PPP2R3A: variants seen among roughly 807,000 people sequenced by gnomAD.
PPP2R3A encodes the protein serine/threonine-protein phosphatase 2A regulatory subunit B'' subunit alpha.
PPP2R3A carries 80 observed loss-of-function variants against 106.9 expected under a neutral mutation model. That is an observed-to-expected ratio of 0.75 (90% CI 0.62 to 0.90). The LOEUF is 0.90. Among genes scored for constraint, PPP2R3A ranks in the 40% least tolerant of loss-of-function variants. PPP2R3A has a pLI of 0.00. For synonymous variants in PPP2R3A, 483 were observed against 468.3 expected (o/e 1.03, Z -0.41); for missense variants, 1,386 against 1,350.4 (o/e 1.03, Z -0.41).
intron 7 of PPP2R3A, chr3:136,079,155 T>C (rs1293110935): frequency 2.2e-6 from 1 of 455,138 alleles, no homozygotes; most frequent in East Asian, 6.9e-5. Context: ...GACAGAGTAA[T>C]GAAGACTTGG....
intron 5 of PPP2R3A, among the ~76,000 whole-genome samples, chr3:136,069,372 T>A (rs1936359163): frequency 6.6e-6 from 1 of 152,084 alleles, no homozygotes; most frequent in Non-Finnish European, 1.5e-5. Context: ...ACACCAGTAG[T>A]TCAAGACCAG....
intron 13 of PPP2R3A, chr3:136,106,581 T>A: frequency 2.2e-6 from 1 of 450,940 alleles, no homozygotes; most frequent in Non-Finnish European, 4.0e-6. Flanking sequence ...CAAACTACTG[T>A]TTTAGTGATA....
Position 136,145,635 on chromosome 3 carries a change from A to G in PPP2R3A, c.*469A>G, listed in dbSNP as rs903283173. 1 of 152,864 alleles carries G rather than the reference A, an allele frequency of 6.5e-6. No individual in the cohort carries two copies. Among genetic ancestry groups the G allele is most frequent in the Non-Finnish European group, 1.5e-5 (1 of 68,218 alleles). 9.5% of individuals were successfully genotyped at this position (152,864 alleles called of 1,614,324 possible). A position where few individuals can be genotyped will look rare whatever the true frequency, so the allele number is the denominator to read the frequency against. ...CTCCAGAATTGACTTAGCCCTAGTAATAAAAGCACTGCCAAAACATCTCAG... is the reference window on the plus strand; with the variant it reads ...CTCCAGAATTGACTTAGCCCTAGTAGTAAAAGCACTGCCAAAACATCTCAG... On this transcript the variant is annotated 3_prime_UTR_variant, in exon 14 of 14. Coordinates refer to ENST00000264977, the MANE Select transcript of PPP2R3A (RefSeq NM_002718.5).
intron 1 of PPP2R3A, among the ~76,000 whole-genome samples, chr3:135,994,041 A>G (rs949518683): frequency 9.2e-5 from 14 of 152,334 alleles, no homozygotes; most frequent in Admixed American, 4.6e-4. Flanking sequence ...TCACTGGATT[A>G]CAAACTTAAT....
At chr3:136,065,633 A>C (rs1936241661) in intron 5 of PPP2R3A, among the ~76,000 whole-genome samples, 1 of 152,234 alleles carries the variant, frequency 6.6e-6, no homozygotes, top group Admixed American at 6.5e-5. Context: ...ACAAAAACCA[A>C]CAGCTGACTA....
chr3:136,103,837 C>T, intron 12 of PPP2R3A, among the ~76,000 whole-genome samples: 1 of 152,126 alleles, frequency 6.6e-6, no homozygotes, highest in Non-Finnish European at 1.5e-5. Context: ...AATATAACGC[C>T]TTTTCACGTG....
chr3:136,079,041 C>A, intron 7 of PPP2R3A: 1 of 327,290 alleles, frequency 3.1e-6, no homozygotes, highest in Non-Finnish European at 6.2e-6. Flanking sequence ...ATTGTTCACA[C>A]TTGGAAGAAA....
At chr3:136,035,951 G>A (rs1935072249) in intron 3 of PPP2R3A, among the ~76,000 whole-genome samples, 1 of 151,610 alleles carries the variant, frequency 6.6e-6, no homozygotes, top group Admixed American at 6.6e-5. Context: ...TTGTTGGATT[G>A]GGTTAATTTG....
intron 8 of PPP2R3A, among the ~76,000 whole-genome samples, 188 bp downstream of exon 8, chr3:136,082,609 T>G (rs541853999): frequency 2.0e-5 from 3 of 152,336 alleles, no homozygotes; most frequent in African/African-American, 7.2e-5. Context: ...AAAGGCCAGA[T>G]GTAGGAGAAG....
chr3:136,019,304 GCA>G (rs1308297527), intron 2 of PPP2R3A, among the ~76,000 whole-genome samples: 1 of 152,160 alleles, frequency 6.6e-6, no homozygotes, highest in Non-Finnish European at 1.5e-5. Context: ...CATTGTAACT[GCA>G]CACAGCTCCT....
At chr3:136,054,366 C>A (rs973509619) in intron 5 of PPP2R3A, among the ~76,000 whole-genome samples, 9 of 145,666 alleles carry the variant, frequency 6.2e-5, no homozygotes, top group African/African-American at 2.3e-4. Context: ...TCAAGCAATT[C>A]TCCTTCCTCA....
intron 7 of PPP2R3A, among the ~76,000 whole-genome samples, chr3:136,080,881 G>T (rs1936758740): frequency 6.6e-6 from 1 of 152,086 alleles, no homozygotes; most frequent in Non-Finnish European, 1.5e-5. Flanking sequence ...GTTGTTGTTA[G>T]TTTGCCAGAG....
intron 3 of PPP2R3A, among the ~76,000 whole-genome samples, chr3:136,036,610 G>A (rs1935094880): frequency 1.3e-5 from 2 of 152,106 alleles, no homozygotes; most frequent in Admixed American, 6.5e-5. Flanking sequence ...ACAGTATTTG[G>A]GGTGCCTCTT....
chr3:136,120,543 G>A (rs894324307), intron 13 of PPP2R3A, among the ~76,000 whole-genome samples: 3 of 151,986 alleles, frequency 2.0e-5, no homozygotes, highest in African/African-American at 4.8e-5. Flanking sequence ...AGCCGATACC[G>A]TGCCACTGCA....
chr3:136,086,191 GAAAT>G (rs1180952684), intron 8 of PPP2R3A, among the ~76,000 whole-genome samples: 5 of 151,118 alleles, frequency 3.3e-5, no homozygotes, highest in Non-Finnish European at 7.4e-5. Context: ...GCGTATTTAA[GAAAT>G]AAAGTTGGCC....
chr3:136,073,636 T>C (rs1033270641), intron 6 of PPP2R3A, among the ~76,000 whole-genome samples: 8 of 152,318 alleles, frequency 5.3e-5, no homozygotes, highest in African/African-American at 1.9e-4. Flanking sequence ...TTGGGAACAT[T>C]TCACGTGAAT....
chr3:136,138,710 T>TTTTC (rs1938728243), intron 13 of PPP2R3A, among the ~76,000 whole-genome samples: 1 of 114,300 alleles, frequency 8.7e-6, no homozygotes, highest in African/African-American at 4.0e-5. Context: ...TTTTTTTTTT[T>TTTTC]TTTTTTTTTT....
At chr3:136,026,263 G>A (rs1934651700) in intron 2 of PPP2R3A, among the ~76,000 whole-genome samples, 1 of 152,032 alleles carries the variant, frequency 6.6e-6, no homozygotes, top group Admixed American at 6.6e-5. Flanking sequence ...AGCCAGGTAG[G>A]GGACATTTCA....
At chr3:135,969,827 C>CACT (rs1346843730) in intron 1 of PPP2R3A, among the ~76,000 whole-genome samples, 1 of 152,136 alleles carries the variant, frequency 6.6e-6, no homozygotes, top group African/African-American at 2.4e-5. Flanking sequence ...GAAAATGTAG[C>CACT]ACTACTGAGT....
Sources: gnomAD v4.1 joint callset for allele counts (sites outside exome capture counted in the v4.1 genomes callset) on GRCh38, gnomAD v4.1.1 for gene constraint, MANE v1.5 for transcripts, NCBI Gene and HGNC (gene_info 2026-07-23, HGNC 2026-07-21) for gene names.